The following UTRN variants were observed in gnomAD, a reference collection of about 807,000 sequenced individuals.
The protein encoded by UTRN is utrophin, also known as dystrophin-related protein 1.
Under a neutral mutation model 463.9 loss-of-function variants are expected in UTRN, and 283 were observed. The ratio of observed to expected loss-of-function variants is 0.61; its 90% CI spans 0.55 to 0.67. UTRN has a LOEUF of 0.67. Ranked by LOEUF, UTRN falls within the 30% of genes least tolerant of loss-of-function variation. The pLI is 0.00. For missense variants in UTRN, 3,922 were observed against 4,084.3 expected, an observed-to-expected ratio of 0.96 and a Z score of 1.08; for synonymous variants, 1,442 against 1,431.5, an observed-to-expected ratio of 1.01 and a Z score of -0.17.
At chr6:144,596,847 G>T (rs564117459) in intron 51 of UTRN, among the ~76,000 whole-genome samples, 143 of 152,184 alleles carry the variant, frequency 9.4e-4, no homozygotes, top group Non-Finnish European at 1.7e-3. Flanking sequence ...TTGAGCCCTT[G>T]CATACTTTAC....
intron 63 of UTRN, among the ~76,000 whole-genome samples, chr6:144,796,685 T>G (rs1777247022): frequency 6.6e-6 from 1 of 152,210 alleles, no homozygotes; most frequent in South Asian, 2.1e-4. Flanking sequence ...CTACTGATGT[T>G]ATACATATGC....
intron 51 of UTRN, among the ~76,000 whole-genome samples, chr6:144,637,907 A>C (rs1224985637): frequency 6.6e-6 from 1 of 152,166 alleles, no homozygotes; most frequent in African/African-American, 2.4e-5. Context: ...AAGTTTTATT[A>C]TGGCTTCTTT....
chr6:144,463,121 C>T (rs1299220445), intron 23 of UTRN, among the ~76,000 whole-genome samples: 1 of 152,052 alleles, frequency 6.6e-6, no homozygotes, highest in East Asian at 1.9e-4. Context: ...TAAAAATGGT[C>T]AAAATAATGT....
In UTRN at chr6:144,335,758, C is replaced by G. The variant is rs76045210; in HGVS notation, c.79+43851C>G. On this transcript the variant is annotated intron_variant, in intron 2 of 74. Coordinates refer to ENST00000367545, the MANE Select transcript of UTRN (RefSeq NM_007124.3). ...AAGTGATAATTGTGACTTGAATTCT[C>G]TAGTTCTTACCTGACCACCTCTTAA... 4.6e-3 allele frequency among the ~76,000 whole-genome samples: 706 copies of G among 152,294 alleles called. 10 individuals carry two copies. Among genetic ancestry groups the G allele is most frequent in the African/African-American group, 0.016 (670 of 41,552 alleles).
intron 2 of UTRN, among the ~76,000 whole-genome samples, chr6:144,316,760 A>G (rs191956793): frequency 5.3e-5 from 8 of 152,318 alleles, no homozygotes; most frequent in South Asian, 4.1e-4. Flanking sequence ...CCCTACCATA[A>G]TTTTATGGGG....
chr6:144,496,025 G>T (rs1345995085), intron 33 of UTRN, among the ~76,000 whole-genome samples: 1 of 152,098 alleles, frequency 6.6e-6, no homozygotes, highest in African/African-American at 2.4e-5. Flanking sequence ...AATCTACCAG[G>T]ATTTGAAATC....
intron 61 of UTRN, among the ~76,000 whole-genome samples, chr6:144,786,091 A>C (rs1776267118): frequency 6.6e-6 from 1 of 152,206 alleles, no homozygotes; most frequent in South Asian, 2.1e-4. Context: ...TATGAAAACT[A>C]TCAGGAGACT....
chr6:144,297,247 A>G (rs1299231027), intron 2 of UTRN, among the ~76,000 whole-genome samples: 2 of 152,118 alleles, frequency 1.3e-5, no homozygotes, highest in Admixed American at 6.6e-5. Context: ...AGGGGAAGGA[A>G]GCAAAGAGAG....
At chr6:144,593,080 A>T (rs376724473) in intron 51 of UTRN, among the ~76,000 whole-genome samples, 1 of 152,246 alleles carries the variant, frequency 6.6e-6, no homozygotes, top group Non-Finnish European at 1.5e-5. Flanking sequence ...AGGAGTAGAT[A>T]GAATTTTAGT....
At chr6:144,411,796 CTCT>C (rs769877986) in intron 3 of UTRN, among the ~76,000 whole-genome samples, 5 of 151,948 alleles carry the variant, frequency 3.3e-5, no homozygotes, top group Non-Finnish European at 2.9e-5. Flanking sequence ...TTCTCTCTTC[CTCT>C]TCTTCTCTCC....
At chr6:144,616,346 C>T (rs1269761003) in intron 51 of UTRN, among the ~76,000 whole-genome samples, 1 of 152,044 alleles carries the variant, frequency 6.6e-6, no homozygotes, top group African/African-American at 2.4e-5. Flanking sequence ...TTGTTGGATA[C>T]CTTTAATCTA....
At chr6:144,838,245 C>T (rs1388413125) in intron 71 of UTRN, among the ~76,000 whole-genome samples, 1 of 152,180 alleles carries the variant, frequency 6.6e-6, no homozygotes, top group Non-Finnish European at 1.5e-5. Flanking sequence ...CCTGATGGCT[C>T]ATGTGCCTTG....
intron 41 of UTRN, 22 bp downstream of exon 41, chr6:144,523,210 ATTT>A: frequency 6.7e-7 from 1 of 1,493,282 alleles, no homozygotes; most frequent in Non-Finnish European, 8.9e-7. Flanking sequence ...TGAAATTAAT[ATTT>A]AATTTAAAAA....
intron 52 of UTRN, among the ~76,000 whole-genome samples, chr6:144,699,883 A>G (rs1244606565): frequency 1.3e-5 from 2 of 148,360 alleles, no homozygotes; most frequent in Non-Finnish European, 3.0e-5. Context: ...TATGTATTGT[A>G]TATATGTATA....
chr6:144,436,862 A>AAT (rs1298299202), intron 10 of UTRN, among the ~76,000 whole-genome samples: 1 of 143,308 alleles, frequency 7.0e-6, no homozygotes, highest in African/African-American at 2.5e-5. Flanking sequence ...TATATAAATA[A>AAT]ATATATATAA....
intron 25 of UTRN, among the ~76,000 whole-genome samples, chr6:144,479,030 C>T (rs1257375800): frequency 6.6e-6 from 1 of 151,796 alleles, no homozygotes; most frequent in Non-Finnish European, 1.5e-5. Context: ...ATAGCAGCCT[C>T]TCCCTCCCTG....
chr6:144,542,919 A>G, intron 46 of UTRN, 49 bp downstream of exon 46: 1 of 1,523,426 alleles, frequency 6.6e-7, no homozygotes, highest in Non-Finnish European at 8.9e-7. Context: ...TCAGTATGTA[A>G]AATTTTGTGA....
intron 10 of UTRN, 63 bp downstream of exon 10, chr6:144,436,201 C>A: frequency 3.4e-6 from 5 of 1,459,874 alleles, no homozygotes; most frequent in Middle Eastern, 1.8e-4. Flanking sequence ...TAATCAGGGA[C>A]TCTACTCTCC....
At chr6:144,417,188 G>A (rs746189914) in intron 3 of UTRN, among the ~76,000 whole-genome samples, 2 of 152,036 alleles carry the variant, frequency 1.3e-5, no homozygotes, top group Non-Finnish European at 1.5e-5. Flanking sequence ...TCTTTGGGGG[G>A]CCACTAAATA....
Sources: allele counts gnomAD v4.1 joint callset (sites outside exome capture counted in the v4.1 genomes callset), GRCh38; gene constraint gnomAD v4.1.1; transcripts MANE v1.5; gene names NCBI Gene and HGNC (gene_info 2026-07-23, HGNC 2026-07-21).